Variants in ALK observed in about 807,000 individuals in gnomAD.
The protein encoded by ALK is ALK receptor tyrosine kinase.
ALK carries 74 observed loss-of-function variants against 163.1 expected under a neutral mutation model. The ratio of observed to expected loss-of-function variants is 0.45; its 90% CI spans 0.38 to 0.55. ALK has a LOEUF of 0.55. Among genes scored for constraint, ALK ranks in the 20% least tolerant of loss-of-function variants. The pLI is 0.00. For missense variants in ALK, 2,063 were observed against 2,105.3 expected (o/e 0.98, Z 0.39); for synonymous variants, 960 against 843.2 (o/e 1.14, Z -2.40).
At chr2:29,346,243 C>CTCAA (rs1300449645) in intron 5 of ALK, among the ~76,000 whole-genome samples, 4 of 152,164 alleles carry the variant, frequency 2.6e-5, no homozygotes, top group Non-Finnish European at 4.4e-5. Flanking sequence ...ATTAGTTTCT[C>CTCAA]TCAATCAATC....
At position 29,725,784 on chromosome 2, in the gene ALK, T is replaced by C. The variant is rs146156948; in HGVS notation, c.668-8087A>G. On this transcript the variant is annotated intron_variant, in intron 1 of 28. Transcript: ENST00000389048. The stretch of plus-strand genomic sequence containing the variant: ...CTATTTCATCAGTTGAGCTACCACA[T>C]CTATGCAGGTACTAGTGACTCATAA... Among the ~76,000 whole-genome samples, 1,081 of 152,264 alleles carry C rather than the reference T, an allele frequency of 7.1e-3. 12 individuals are homozygous for C. Among genetic ancestry groups the C allele is most frequent in the African/African-American group, 0.024 (994 of 41,544 alleles).
chr2:29,510,724 C>T (rs536461649), intron 4 of ALK, among the ~76,000 whole-genome samples: 16 of 152,316 alleles, frequency 1.1e-4, no homozygotes, highest in African/African-American at 3.8e-4. Context: ...TATGGTTGAA[C>T]AACTTCCAGG....
At chr2:29,464,304 C>T (rs2148105217) in intron 4 of ALK, among the ~76,000 whole-genome samples, 1 of 152,238 alleles carries the variant, frequency 6.6e-6, no homozygotes, top group South Asian at 2.1e-4. Context: ...TATAAATATA[C>T]TTACTAATAT....
In ALK at chr2:29,878,863, C is replaced by T. The variant is rs546026534; in HGVS notation, c.667+41130G>A. ...AGGAAAGTAAAATCAGGGGACAGTG[C>T]TGGCCAGGAATCCAGAGTTGAGAAG... is the stretch of plus-strand genomic sequence containing the variant. On this transcript the variant is annotated intron_variant, in intron 1 of 28. Coordinates refer to ENST00000389048, the MANE Select transcript of ALK (RefSeq NM_004304.5). Among the ~76,000 whole-genome samples the T allele has an allele frequency of 3.3e-5, 5 of 152,194 alleles. 1 individual carries two copies. The highest frequency in any genetic ancestry group is 9.6e-5 in the African/African-American group (4 of 41,520).
chr2:29,610,481 C>A (rs1341070633), intron 3 of ALK, among the ~76,000 whole-genome samples: 1 of 152,072 alleles, frequency 6.6e-6, no homozygotes, highest in Non-Finnish European at 1.5e-5. Flanking sequence ...TCCTTTCATT[C>A]GAATCCCATG....
intron 1 of ALK, among the ~76,000 whole-genome samples, chr2:29,814,211 G>A (rs763622118): frequency 1.3e-5 from 2 of 152,168 alleles, no homozygotes; most frequent in African/African-American, 2.4e-5. Context: ...GAGGCCCAGC[G>A]GCTAACTGAC....
Position 29,246,388 on chromosome 2 carries a change from G to A in ALK, c.2204+4717C>T, listed in dbSNP as rs949989489. Among the ~76,000 whole-genome samples, 3 of 152,044 alleles carry A rather than the reference G, an allele frequency of 2.0e-5. No individual in the cohort carries two copies. Among genetic ancestry groups the A allele is most frequent in the Non-Finnish European group, 4.4e-5 (3 of 67,998 alleles). ...ATCTGTCTCCATTTTATGACAACAC[G>A]AGGATGCTGTCCCCCTCCCCAGCAC... On this transcript the variant is annotated intron_variant, in intron 12 of 28. Coordinates refer to ENST00000389048, the MANE Select transcript of ALK (RefSeq NM_004304.5). The surrounding 1 kb of genome is among the most constrained non-coding windows in gnomAD (Gnocchi z 4.3).
At chr2:29,770,447 C>T (rs1473065071) in intron 1 of ALK, among the ~76,000 whole-genome samples, 1 of 152,202 alleles carries the variant, frequency 6.6e-6, no homozygotes, top group Non-Finnish European at 1.5e-5. Context: ...TTCTAGTGTC[C>T]TACTCTTACT....
chr2:29,560,984 A>G (rs941280715), intron 3 of ALK, among the ~76,000 whole-genome samples: 6 of 152,112 alleles, frequency 3.9e-5, no homozygotes, highest in Admixed American at 6.6e-5. Flanking sequence ...ATAAATTTAA[A>G]TGTGATTTTA....
At chr2:29,883,252 C>T (rs1400178460) in intron 1 of ALK, among the ~76,000 whole-genome samples, 3 of 152,226 alleles carry the variant, frequency 2.0e-5, no homozygotes, top group Non-Finnish European at 4.4e-5. Context: ...TATCCAGCAA[C>T]CAAGCCTGTG....
At chr2:29,561,663 C>T (rs1440809445) in intron 3 of ALK, among the ~76,000 whole-genome samples, 2 of 152,182 alleles carry the variant, frequency 1.3e-5, no homozygotes, top group East Asian at 1.9e-4. Flanking sequence ...CTAAAACCAT[C>T]TAGGAGGATC....
chr2:29,500,032 C>A (rs1191735820), intron 4 of ALK, among the ~76,000 whole-genome samples: 4 of 150,968 alleles, frequency 2.6e-5, no homozygotes, highest in Non-Finnish European at 5.9e-5. Flanking sequence ...TGGATGGTGC[C>A]CACTCCTCCT....
chr2:29,789,700 C>T (rs1664137925), intron 1 of ALK, among the ~76,000 whole-genome samples: 1 of 152,208 alleles, frequency 6.6e-6, no homozygotes, highest in African/African-American at 2.4e-5. Context: ...TGCTGTTGTC[C>T]AGCTAAATCT....
intron 5 of ALK, among the ~76,000 whole-genome samples, chr2:29,377,901 A>T (rs1668797666): frequency 6.6e-6 from 1 of 152,220 alleles, no homozygotes; most frequent in Admixed American, 6.5e-5. Context: ...TAATGAATGA[A>T]TCAGAAGCAA....
rs1372230916 is a variant in ALK, at chr2:29,439,952, C to G, written c.1155-56093G>C. On this transcript the variant is annotated intron_variant, in intron 4 of 28. Transcript: ENST00000389048. Reference sequence around the variant, plus strand: ...ATGGAAAACTAATACACATCTTTGGCCGGGCATGGTGGCTCACGCCTGTAA... The same window carrying G: ...ATGGAAAACTAATACACATCTTTGGGCGGGCATGGTGGCTCACGCCTGTAA... Among the ~76,000 whole-genome samples, 4 of 152,134 alleles carry G rather than the reference C, an allele frequency of 2.6e-5. No individual in the cohort carries two copies. The East Asian group carries it at 7.8e-4, about 30-fold the overall frequency.
chr2:29,340,062 T>C (rs1044914604), intron 5 of ALK, among the ~76,000 whole-genome samples: 1 of 152,236 alleles, frequency 6.6e-6, no homozygotes, highest in East Asian at 1.9e-4. Flanking sequence ...TTTATCTTCA[T>C]TGCTTTGCTG....
intron 1 of ALK, among the ~76,000 whole-genome samples, chr2:29,884,282 A>G (rs1666936554): frequency 6.6e-6 from 1 of 152,194 alleles, no homozygotes; most frequent in South Asian, 2.1e-4. Flanking sequence ...AATACTGTAA[A>G]CCTTTAATAA....
chr2:29,895,058 T>C (rs1296501632), intron 1 of ALK, among the ~76,000 whole-genome samples: 1 of 151,910 alleles, frequency 6.6e-6, no homozygotes, highest in Non-Finnish European at 1.5e-5. Context: ...GAAGACTTAA[T>C]ATCAAGGTGT....
rs1230413927 is a variant in ALK at position 29,695,031 on chromosome 2, G to A, written c.788-17C>T. ...ACTCCAGACCTGCAATAATAGCCAA[G>A]GGTCAATGGAAAAAACCATTTCCCA... On this transcript the variant is annotated splice_polypyrimidine_tract_variant and intron_variant, in intron 2 of 28. Transcript: ENST00000389048. The A allele has an allele frequency of 1.1e-5, 18 of 1,613,948 alleles. No individual in the cohort carries two copies. Among genetic ancestry groups the A allele is most frequent in the Non-Finnish European group, 1.4e-5 (17 of 1,179,968 alleles).
Sources: gnomAD v4.1 joint callset for allele counts (sites outside exome capture counted in the v4.1 genomes callset) on GRCh38, gnomAD v4.1.1 for gene constraint, Gnocchi (gnomAD v3.1) non-coding constraint, MANE v1.5 for transcripts, NCBI Gene and HGNC (gene_info 2026-07-23, HGNC 2026-07-21) for gene names.